ONECUT3: variants seen among roughly 807,000 people sequenced by gnomAD.
The protein encoded by ONECUT3 is one cut domain family member 3.
In ONECUT3, 11 loss-of-function variants were observed where a neutral mutation model predicts 16.8. The observed-to-expected ratio is 0.66, with a 90% CI of 0.41 to 1.09. The LOEUF (loss-of-function observed/expected upper bound fraction) is 1.09. Among genes scored for constraint, ONECUT3 ranks in the 50% least tolerant of loss-of-function variants. The pLI is 0.00. For synonymous variants in ONECUT3, 344 were observed against 310.7 expected, an observed-to-expected ratio of 1.11 and a Z score of -1.13; for missense variants, 637 against 629.9, an observed-to-expected ratio of 1.01 and a Z score of -0.12.
chr19:1,778,304 T>A lies in ONECUT3; in HGVS notation c.*2859T>A, dbSNP rs2068128779. The A allele has an allele frequency of 6.6e-6, 1 of 152,162 alleles. No individual in the cohort carries two copies. Among genetic ancestry groups the A allele is most frequent in the South Asian group, 2.1e-4 (1 of 4,830 alleles). 9.4% of individuals were successfully genotyped at this position (152,162 alleles called of 1,614,324 possible). On this transcript the variant is annotated 3_prime_UTR_variant, in exon 2 of 2. Transcript: ENST00000382349. ...TTCTTGTAGATATGGGGTCTCACTA[T>A]GCTGCCCAGGCTGGTCTTGAACTCC...
At chr19:1,773,289 T>C (rs2068074014) in intron 1 of ONECUT3, among the ~76,000 whole-genome samples, 1 of 150,794 alleles carries the variant, frequency 6.6e-6, no homozygotes, top group African/African-American at 2.4e-5. Context: ...TCTCTCCCTC[T>C]CTTTTTCATG....
In ONECUT3 at chr19:1,754,541, C is replaced by G; in HGVS notation, c.879C>G (p.Ala293=). 1 of 980,688 alleles carries G rather than the reference C, an allele frequency of 1.0e-6. No homozygotes were observed. Among genetic ancestry groups the G allele is most frequent in the Non-Finnish European group, 1.2e-6 (1 of 828,382 alleles). The allele number at this position is 980,688 out of a possible 1,614,324, so 60.7% of individuals were successfully genotyped here. The stretch of plus-strand genomic sequence containing the variant: ...CGCCGCTGGGCGGGCTGGCGGCGGC[C>G]GGGGCGCACGGGCCGCACGGGGGAG... ...LLAPLGGLAA[A]GAHGPHGGGG... The change falls in exon 1 of 2, where the codon GCC becomes GCG. Residue 293 remains alanine (A), a synonymous_variant. Coordinates refer to ENST00000382349, the MANE Select transcript of ONECUT3 (RefSeq NM_001080488.2). This position sits in a 1 kb window ranked among gnomAD's most constrained non-coding sequence, Gnocchi z 7.4.
chr19:1,777,093 A>T lies in ONECUT3; in HGVS notation c.*1648A>T, dbSNP rs8109931. On this transcript the variant is annotated 3_prime_UTR_variant, in exon 2 of 2. Transcript: ENST00000382349. ...GGGAGGGAGAGGATCGTGAGGTCGA[A>T]GAGTGCCTTCTTCTTGAACCAAAGA... 0.54 allele frequency: 81,324 copies of T among 151,874 alleles called. 22,776 individuals carry two copies. The highest frequency in any genetic ancestry group is 0.7 in the African/African-American group (28,827 of 41,368). The allele number at this position is 151,874 out of a possible 1,614,324, so 9.4% of individuals were successfully genotyped here. A position where few individuals can be genotyped will look rare whatever the true frequency, so the allele number is the denominator to read the frequency against.
chr19:1,757,119 G>A (rs983922086), intron 1 of ONECUT3, among the ~76,000 whole-genome samples: 1 of 146,532 alleles, frequency 6.8e-6, no homozygotes, highest in Admixed American at 6.8e-5. Context: ...CAAACCGCAG[G>A]CGAGAAGTCC....
chr19:1,767,585 C>T (rs2068004213), intron 1 of ONECUT3, among the ~76,000 whole-genome samples: 1 of 152,222 alleles, frequency 6.6e-6, no homozygotes, highest in African/African-American at 2.4e-5. Context: ...AGCCTACAGC[C>T]CCCGCCCTTT....
intron 1 of ONECUT3, among the ~76,000 whole-genome samples, chr19:1,772,686 CT>C (rs201848533): frequency 0.1 from 6,347 of 63,038 alleles, 57 homozygotes; most frequent in African/African-American, 0.15. Flanking sequence ...CTGCTTTACT[CT>C]TTTTTTTTTT....
At chr19:1,756,529 C>A (rs1200822163) in intron 1 of ONECUT3, among the ~76,000 whole-genome samples, 1 of 151,984 alleles carries the variant, frequency 6.6e-6, no homozygotes, top group Non-Finnish European at 1.5e-5. Context: ...ACACCCCTGG[C>A]AGCTCTATTT....
At chr19:1,771,690 T>A (rs2145966616) in intron 1 of ONECUT3, among the ~76,000 whole-genome samples, 2 of 152,222 alleles carry the variant, frequency 1.3e-5, no homozygotes, top group South Asian at 4.1e-4. Context: ...CCCACCCCCA[T>A]TTTTTTAGAG....
At position 1,778,891 on chromosome 19, in the gene ONECUT3, C is replaced by CACACACACACACACACACAT. The variant is rs1555801761; in HGVS notation, c.*3465_*3466insTACACACACACACACACACA. Reference sequence around the variant, plus strand: ...TCACACACACACACACACACACACACACACACACACACACACACACACCCC... The same window carrying CACACACACACACACACACAT: ...TCACACACACACACACACACACACACACACACACACACACACACATACACACACACACACACACACACCCC... On this transcript the variant is annotated 3_prime_UTR_variant, in exon 2 of 2. Transcript: ENST00000382349. The CACACACACACACACACACAT allele has an allele frequency of 2.1e-4, 32 of 150,930 alleles. No individual in the cohort carries two copies. Among genetic ancestry groups the CACACACACACACACACACAT allele is most frequent in the African/African-American group, 7.4e-4 (30 of 40,634 alleles). The allele number at this position is 150,930 out of a possible 1,614,324, so 9.3% of individuals were successfully genotyped here. A position where few individuals can be genotyped will look rare whatever the true frequency, so the allele number is the denominator to read the frequency against.
intron 1 of ONECUT3, among the ~76,000 whole-genome samples, chr19:1,756,274 TG>T (rs1295836934): frequency 1.3e-5 from 2 of 152,218 alleles, no homozygotes; most frequent in Admixed American, 1.3e-4. Flanking sequence ...GGTGACTAGC[TG>T]GAACCTCTTA....
At chr19:1,765,781 G>A (rs1438220482) in intron 1 of ONECUT3, among the ~76,000 whole-genome samples, 1 of 152,208 alleles carries the variant, frequency 6.6e-6, no homozygotes, top group African/African-American at 2.4e-5. Flanking sequence ...AGGCCACTCG[G>A]CCCGCAGAGC....
At position 1,758,986 on chromosome 19, in the gene ONECUT3, A is replaced by T. The variant is rs1248049505; in HGVS notation, c.1192+4132A>T. ...TGGAGGTGGTTGAAAGAAGGGCCTC[A>T]TCTCCTCCTGTGGGCACCATGGGGA... On this transcript the variant is annotated intron_variant, in intron 1 of 1. Coordinates refer to ENST00000382349, the MANE Select transcript of ONECUT3 (RefSeq NM_001080488.2). The surrounding 1 kb of genome is among the most constrained non-coding windows in gnomAD (Gnocchi z 5.9). Among the ~76,000 whole-genome samples, 1 of 152,116 alleles carries T rather than the reference A, an allele frequency of 6.6e-6. No individual in the cohort carries two copies. The highest frequency in any genetic ancestry group is 1.5e-5 in the Non-Finnish European group (1 of 68,008).
chr19:1,771,773 G>A (rs1049654068), intron 1 of ONECUT3, among the ~76,000 whole-genome samples: 5 of 151,714 alleles, frequency 3.3e-5, no homozygotes, highest in Non-Finnish European at 7.4e-5. Context: ...TTGACCTTCT[G>A]GGCTCAAATG....
In ONECUT3 at chr19:1,762,878, C is replaced by T. The variant is rs2067954010; in HGVS notation, c.1192+8024C>T. ...TGGGAGGACAAGACACGTTCCTCCTCCCCTCCTCCACCTCCCTTGTTTTTG... is the reference window on the plus strand; with the variant it reads ...TGGGAGGACAAGACACGTTCCTCCTTCCCTCCTCCACCTCCCTTGTTTTTG... On this transcript the variant is annotated intron_variant, in intron 1 of 1. Transcript: ENST00000382349. This position sits in a 1 kb window ranked among gnomAD's most constrained non-coding sequence, Gnocchi z 4.4. 1.3e-5 allele frequency among the ~76,000 whole-genome samples: 2 copies of T among 152,206 alleles called. No individual in the cohort carries two copies. Among genetic ancestry groups the T allele is most frequent in the Non-Finnish European group, 2.9e-5 (2 of 68,024 alleles).
chr19:1,758,874 A>G lies in ONECUT3; in HGVS notation c.1192+4020A>G, dbSNP rs2067932015. Among the ~76,000 whole-genome samples, 1 of 152,226 alleles carries G rather than the reference A, an allele frequency of 6.6e-6. No homozygotes were observed. The highest frequency in any genetic ancestry group is 1.5e-5 in the Non-Finnish European group (1 of 68,038). On this transcript the variant is annotated intron_variant, in intron 1 of 1. Coordinates refer to ENST00000382349, the MANE Select transcript of ONECUT3 (RefSeq NM_001080488.2). This position sits in a 1 kb window ranked among gnomAD's most constrained non-coding sequence, Gnocchi z 5.9. Reference sequence around the variant, plus strand: ...GGTCGATAGCTTCGGCCGTCTTCAAATATTGTTTAAATTGCAACTCCGGAG... The same window carrying G: ...GGTCGATAGCTTCGGCCGTCTTCAAGTATTGTTTAAATTGCAACTCCGGAG...
At chr19:1,760,295 A>G (rs980293184) in intron 1 of ONECUT3, among the ~76,000 whole-genome samples, 7 of 152,142 alleles carry the variant, frequency 4.6e-5, no homozygotes, top group Non-Finnish European at 4.4e-5. Flanking sequence ...GGTGGGCCTA[A>G]CACTAGGCTG....
In ONECUT3 at chr19:1,758,059, G is replaced by GC. The variant is rs2067926196; in HGVS notation, c.1192+3205_1192+3206insC. On this transcript the variant is annotated intron_variant, in intron 1 of 1. Coordinates refer to ENST00000382349, the MANE Select transcript of ONECUT3 (RefSeq NM_001080488.2). The surrounding 1 kb of genome is among the most constrained non-coding windows in gnomAD (Gnocchi z 5.9). ...CGGGCCACGCGTTTCCGCAGGTGCC[G>GC]AGTGTCCTGCCGGGCGCCGGGGCCA... Among the ~76,000 whole-genome samples the GC allele has an allele frequency of 1.3e-5, 2 of 152,150 alleles. No homozygotes were observed. The highest frequency in any genetic ancestry group is 4.8e-5 in the African/African-American group (2 of 41,438).
rs1427915309 is a variant in ONECUT3 at position 1,755,227 on chromosome 19, G to C, written c.1192+373G>C. On this transcript the variant is annotated intron_variant, in intron 1 of 1. Coordinates refer to ENST00000382349, the MANE Select transcript of ONECUT3 (RefSeq NM_001080488.2). The surrounding 1 kb of genome is among the most constrained non-coding windows in gnomAD (Gnocchi z 7.5). ...TGTGTGAGCGCGCGCCTGTTGGGGGGAGCTGTGTCCCCGAACGAGCTGCTG... is the reference window on the plus strand; with the variant it reads ...TGTGTGAGCGCGCGCCTGTTGGGGGCAGCTGTGTCCCCGAACGAGCTGCTG... 6.6e-6 allele frequency among the ~76,000 whole-genome samples: 1 copy of C among 151,802 alleles called. No individual in the cohort carries two copies. Among genetic ancestry groups the C allele is most frequent in the Admixed American group, 6.6e-5 (1 of 15,262 alleles).
rs1232859539 is a variant in ONECUT3 at position 1,755,457 on chromosome 19, C to T, written c.1192+603C>T. ...CGCGATCGATACCCCCTCCCTCTCC[C>T]CTCCGGCCGCTGGCAAAGGTCACCC... On this transcript the variant is annotated intron_variant, in intron 1 of 1. Transcript: ENST00000382349. The surrounding 1 kb of genome is among the most constrained non-coding windows in gnomAD (Gnocchi z 7.5). Among the ~76,000 whole-genome samples the T allele has an allele frequency of 6.6e-6, 1 of 152,136 alleles. No homozygotes were observed. The highest frequency in any genetic ancestry group is 1.5e-5 in the Non-Finnish European group (1 of 67,998).
Sources: allele counts gnomAD v4.1 joint callset (sites outside exome capture counted in the v4.1 genomes callset), GRCh38; gene constraint gnomAD v4.1.1; non-coding constraint Gnocchi (gnomAD v3.1); transcripts MANE v1.5; gene names NCBI Gene and HGNC (gene_info 2026-07-23, HGNC 2026-07-21).